The following KCNIP4 variants were observed in gnomAD, a reference collection of about 807,000 sequenced individuals.
KCNIP4 encodes the protein potassium voltage-gated channel interacting protein 4, also known as Kv channel-interacting protein 4.
A neutral mutation model predicts 34.0 loss-of-function variants in KCNIP4; 12 were observed. The observed-to-expected ratio is 0.35, with a 90% CI of 0.23 to 0.57. The LOEUF is 0.57. Ranked by LOEUF, KCNIP4 falls within the 20% of genes least tolerant of loss-of-function variation. KCNIP4 has a pLI of 0.83. For synonymous variants in KCNIP4, 124 were observed against 102.2 expected (o/e 1.21, Z -1.29); for missense variants, 238 against 311.7 (o/e 0.76, Z 1.78).
intron 1 of KCNIP4, among the ~76,000 whole-genome samples, chr4:21,427,739 G>A (rs1726057678): frequency 6.6e-6 from 1 of 152,170 alleles, no homozygotes; most frequent in Non-Finnish European, 1.5e-5. Flanking sequence ...TGACATGATA[G>A]GCATAAGAAC....
At chr4:21,835,348 G>A (rs1723254573) in intron 1 of KCNIP4, among the ~76,000 whole-genome samples, 1 of 151,902 alleles carries the variant, frequency 6.6e-6, no homozygotes, top group Non-Finnish European at 1.5e-5. Flanking sequence ...ATTTTAAATA[G>A]TCTATAAAAA....
At chr4:21,418,681 T>C (rs550960979) in intron 1 of KCNIP4, among the ~76,000 whole-genome samples, 4 of 152,258 alleles carry the variant, frequency 2.6e-5, no homozygotes, top group Non-Finnish European at 5.9e-5. Flanking sequence ...CATCCTGCCA[T>C]GTAAGCAAAT....
chr4:20,963,779 A>G (rs1279031306), intron 1 of KCNIP4, among the ~76,000 whole-genome samples: 4 of 152,130 alleles, frequency 2.6e-5, no homozygotes, highest in African/African-American at 4.8e-5. Flanking sequence ...GGGGAGGCGA[A>G]TAAGTGGGAA....
intron 4 of KCNIP4, among the ~76,000 whole-genome samples, chr4:20,755,520 G>A (rs1309976054): frequency 6.6e-6 from 1 of 152,124 alleles, no homozygotes; most frequent in African/African-American, 2.4e-5. Flanking sequence ...CATGACCTGT[G>A]GATACAACAG....
intron 1 of KCNIP4, chr4:21,718,718 T>G (rs1420029057): frequency 1.3e-5 from 2 of 152,270 alleles, no homozygotes; most frequent in South Asian, 2.1e-4. Context: ...TTCCAGAAAC[T>G]CAAGAACATT....
In KCNIP4 at chr4:21,459,469, G is replaced by T. The variant is rs77218946; in HGVS notation, c.61+489102C>A. On this transcript the variant is annotated intron_variant, in intron 1 of 8. Coordinates refer to ENST00000382152, the MANE Select transcript of KCNIP4 (RefSeq NM_025221.6). ...GGACTACATTTAGACTTTCCAGTTTGTCTGCACTCACACTCTCACTGGTTT... is the reference window on the plus strand; with the variant it reads ...GGACTACATTTAGACTTTCCAGTTTTTCTGCACTCACACTCTCACTGGTTT... 3.9e-5 allele frequency among the ~76,000 whole-genome samples: 6 copies of T among 152,048 alleles called. No homozygotes were observed. In the East Asian group the frequency reaches 7.8e-4, roughly 20 times the overall value.
chr4:21,471,982 T>C (rs7688716), intron 1 of KCNIP4, among the ~76,000 whole-genome samples: 29,332 of 152,224 alleles, frequency 0.19, 3,392 homozygotes, highest in African/African-American at 0.32. Flanking sequence ...CTTCATGAAC[T>C]GAAATGTATC....
chr4:21,533,306 T>C (rs1736864421), intron 1 of KCNIP4, among the ~76,000 whole-genome samples: 2 of 152,148 alleles, frequency 1.3e-5, no homozygotes, highest in Admixed American at 1.3e-4. Context: ...CTATTCCTGC[T>C]CTGTTTGCTA....
At chr4:21,263,387 C>A (rs1203699747) in intron 1 of KCNIP4, among the ~76,000 whole-genome samples, 1 of 152,218 alleles carries the variant, frequency 6.6e-6, no homozygotes, top group Non-Finnish European at 1.5e-5. Context: ...AGAGTGACTG[C>A]AAACCCGTGT....
chr4:21,072,598 CT>C (rs974062399), intron 1 of KCNIP4, among the ~76,000 whole-genome samples: 1 of 152,024 alleles, frequency 6.6e-6, no homozygotes, highest in Non-Finnish European at 1.5e-5. Flanking sequence ...TATAGGTTGC[CT>C]GTTCACTCTG....
At chr4:21,279,093 C>G (rs987713866) in intron 1 of KCNIP4, among the ~76,000 whole-genome samples, 3 of 152,134 alleles carry the variant, frequency 2.0e-5, no homozygotes, top group Admixed American at 1.3e-4. Context: ...TGAGTAAGAA[C>G]AGATGTATTA....
intron 1 of KCNIP4, among the ~76,000 whole-genome samples, chr4:21,936,182 CT>C: frequency 6.6e-6 from 1 of 152,140 alleles, no homozygotes; most frequent in Admixed American, 6.5e-5. Context: ...CAAACCTCAT[CT>C]TGAATTGTAG....
At chr4:20,905,391 A>C (rs1374462231) in intron 1 of KCNIP4, among the ~76,000 whole-genome samples, 1 of 152,140 alleles carries the variant, frequency 6.6e-6, no homozygotes, top group African/African-American at 2.4e-5. Context: ...ACAACCTCAC[A>C]GATTGGTTTA....
At chr4:20,856,089 G>C (rs1036099355) in intron 2 of KCNIP4, among the ~76,000 whole-genome samples, 37 of 152,238 alleles carry the variant, frequency 2.4e-4, no homozygotes, top group African/African-American at 8.2e-4. Flanking sequence ...CTATTCAATG[G>C]GTCCTGAGAT....
chr4:20,730,206 G>T, intron 8 of KCNIP4, 77 bp from the exon 9 acceptor site: 9 of 1,484,924 alleles, frequency 6.1e-6, no homozygotes, highest in Non-Finnish European at 3.6e-6. Context: ...CCTGAGTATT[G>T]CCTCCTCCCA....
intron 1 of KCNIP4, among the ~76,000 whole-genome samples, chr4:21,004,136 G>A (rs1056205423): frequency 6.6e-6 from 1 of 152,168 alleles, no homozygotes; most frequent in African/African-American, 2.4e-5. Flanking sequence ...GGTGAGGAAA[G>A]GAGGAAGATA....
chr4:20,823,328 T>A (rs1717337982), intron 3 of KCNIP4, among the ~76,000 whole-genome samples: 1 of 152,168 alleles, frequency 6.6e-6, no homozygotes, highest in African/African-American at 2.4e-5. Context: ...AAAATTTTAT[T>A]TAAATAAAAG....
chr4:21,058,481 T>C (rs908793510), intron 1 of KCNIP4, among the ~76,000 whole-genome samples: 7 of 152,104 alleles, frequency 4.6e-5, no homozygotes, highest in African/African-American at 1.2e-4. Flanking sequence ...ATTACTTGTG[T>C]CCATGATCAT....
chr4:21,455,679 C>T (rs930153449), intron 1 of KCNIP4, among the ~76,000 whole-genome samples: 46 of 149,190 alleles, frequency 3.1e-4, no homozygotes, highest in African/African-American at 1.1e-3. Context: ...TTTTCTAGCC[C>T]TCAACCAAGT....
Sources: allele counts gnomAD v4.1 joint callset (sites outside exome capture counted in the v4.1 genomes callset), GRCh38; gene constraint gnomAD v4.1.1; transcripts MANE v1.5; gene names NCBI Gene and HGNC (gene_info 2026-07-23, HGNC 2026-07-21).